PPARGC1A: variants seen among roughly 807,000 people sequenced by gnomAD.
The protein encoded by PPARGC1A is PPARG coactivator 1 alpha.
A neutral mutation model predicts 88.7 loss-of-function variants in PPARGC1A; 25 were observed. The observed-to-expected ratio is 0.28, with a 90% CI of 0.21 to 0.39. The LOEUF is 0.39. Among genes scored for constraint, PPARGC1A ranks in the 10% least tolerant of loss-of-function variants. PPARGC1A has a pLI of 1.00. For missense variants in PPARGC1A, 880 were observed against 968.7 expected, an observed-to-expected ratio of 0.91 and a Z score of 1.22; for synonymous variants, 363 against 355.6, an observed-to-expected ratio of 1.02 and a Z score of -0.24.
At chr4:24,213,418 G>A in the PPARGC1A span, among the ~76,000 whole-genome samples, 4 of 151,952 alleles carry the variant, frequency 2.6e-5, no homozygotes, top group African/African-American at 7.3e-5. Flanking sequence ...CGCCCGCCTC[G>A]GCCTCCCAAA....
chr4:24,169,453 T>C, the PPARGC1A span, among the ~76,000 whole-genome samples: 4 of 152,228 alleles, frequency 2.6e-5, no homozygotes, highest in South Asian at 8.3e-4. Flanking sequence ...AAATGCACCC[T>C]ACTCATGTAA....
the PPARGC1A span, among the ~76,000 whole-genome samples, chr4:24,133,588 C>A: frequency 3.3e-5 from 5 of 152,152 alleles, no homozygotes; most frequent in Admixed American, 6.5e-5. Flanking sequence ...CCAGAAAATA[C>A]AACCATTTGG....
the PPARGC1A span, among the ~76,000 whole-genome samples, chr4:24,068,498 C>G: frequency 6.6e-6 from 1 of 152,142 alleles, no homozygotes; most frequent in Admixed American, 6.5e-5. Flanking sequence ...GAATTGCAAA[C>G]TCATTCTGTA....
chr4:23,969,780 T>C, the PPARGC1A span, among the ~76,000 whole-genome samples: 1 of 152,158 alleles, frequency 6.6e-6, no homozygotes, highest in African/African-American at 2.4e-5. Flanking sequence ...CCCACACACG[T>C]TGGGAGTTCC....
the PPARGC1A span, among the ~76,000 whole-genome samples, chr4:24,159,998 T>G: frequency 6.6e-6 from 1 of 152,172 alleles, no homozygotes; most frequent in East Asian, 1.9e-4. Flanking sequence ...CTAACAAGAT[T>G]AGACTTTGGA....
At chr4:24,081,199 A>G in the PPARGC1A span, among the ~76,000 whole-genome samples, 17 of 152,182 alleles carry the variant, frequency 1.1e-4, no homozygotes, top group African/African-American at 3.6e-4. Context: ...AAATAAAGCT[A>G]TATCATGTAA....
At chr4:24,135,036 C>A in the PPARGC1A span, among the ~76,000 whole-genome samples, 1 of 152,160 alleles carries the variant, frequency 6.6e-6, no homozygotes, top group African/African-American at 2.4e-5. Context: ...CTCCTGTGGC[C>A]CCTTCGCTAC....
the PPARGC1A span, among the ~76,000 whole-genome samples, chr4:24,431,343 CCT>C: frequency 5.3e-5 from 8 of 152,074 alleles, no homozygotes; most frequent in South Asian, 1.0e-3. Context: ...TAGGAGGTTC[CCT>C]GTTTGTACTT....
the PPARGC1A span, among the ~76,000 whole-genome samples, chr4:24,185,223 C>T: frequency 6.6e-6 from 1 of 152,074 alleles, no homozygotes; most frequent in Non-Finnish European, 1.5e-5. Flanking sequence ...ATGTCCTTCA[C>T]CACCCTCCAA....
the PPARGC1A span, among the ~76,000 whole-genome samples, chr4:24,226,866 G>A: frequency 6.6e-6 from 1 of 152,210 alleles, no homozygotes; most frequent in Non-Finnish European, 1.5e-5. Flanking sequence ...AAATGCACAA[G>A]GGCAGGAGTT....
intron 2 of PPARGC1A, among the ~76,000 whole-genome samples, chr4:23,857,800 G>A (rs564431595): frequency 6.6e-6 from 1 of 151,642 alleles, no homozygotes; most frequent in African/African-American, 2.4e-5. Flanking sequence ...ATTGACATTT[G>A]AATCGTGATG....
the PPARGC1A span, among the ~76,000 whole-genome samples, chr4:24,177,359 C>A: frequency 6.6e-6 from 1 of 151,260 alleles, no homozygotes; most frequent in African/African-American, 2.4e-5. Context: ...AGCAAACTAT[C>A]ACAAGGACAA....
chr4:24,136,010 C>T, the PPARGC1A span, among the ~76,000 whole-genome samples: 2 of 152,174 alleles, frequency 1.3e-5, no homozygotes, highest in Non-Finnish European at 2.9e-5. Context: ...ACGCTTCCTC[C>T]CTGACGCTAT....
At chr4:24,329,297 T>G in the PPARGC1A span, among the ~76,000 whole-genome samples, 1 of 151,870 alleles carries the variant, frequency 6.6e-6, no homozygotes. Flanking sequence ...GACTTAGCAA[T>G]TTTGGGAACT....
upstream of PPARGC1A, among the ~76,000 whole-genome samples, chr4:23,892,616 C>T (rs1718023205): frequency 1.3e-5 from 2 of 148,718 alleles, no homozygotes; most frequent in Admixed American, 1.3e-4. Context: ...TTTTCTGGTT[C>T]CCCGGGCCAT....
At chr4:24,095,115 CTTTTTTT>C in the PPARGC1A span, among the ~76,000 whole-genome samples, 1 of 122,408 alleles carries the variant, frequency 8.2e-6, no homozygotes, top group South Asian at 2.7e-4. Flanking sequence ...GAAATAGGGT[CTTTTTTT>C]TTTTTTTTTT....
the PPARGC1A span, among the ~76,000 whole-genome samples, chr4:24,276,596 T>G: frequency 6.6e-6 from 1 of 152,156 alleles, no homozygotes; most frequent in African/African-American, 2.4e-5. Context: ...GAAGAGCTCT[T>G]TGCCCCCGAA....
the PPARGC1A span, among the ~76,000 whole-genome samples, chr4:24,245,300 A>G: frequency 1.3e-5 from 2 of 152,180 alleles, no homozygotes; most frequent in Admixed American, 1.3e-4. Flanking sequence ...AAAGCATTGG[A>G]GCGTCTTATT....
intron 8 of PPARGC1A, 55 bp downstream of exon 8, chr4:23,813,635 A>G: frequency 1.4e-6 from 2 of 1,407,142 alleles, no homozygotes; most frequent in South Asian, 1.4e-5. Flanking sequence ...ATTTTATTTT[A>G]TTTTTTACTT....
Sources: allele counts gnomAD v4.1 joint callset (sites outside exome capture counted in the v4.1 genomes callset), GRCh38; gene constraint gnomAD v4.1.1; transcripts MANE v1.5; gene names NCBI Gene and HGNC (gene_info 2026-07-23, HGNC 2026-07-21).